The following HR variants were observed in gnomAD, a reference collection of about 807,000 sequenced individuals.
HR encodes the protein lysine-specific demethylase hairless.
Under a neutral mutation model 128.6 loss-of-function variants are expected in HR, and 83 were observed. That is an observed-to-expected ratio of 0.65 (90% CI 0.54 to 0.77). HR has a LOEUF of 0.77. Ranked by LOEUF, HR falls within the 30% of genes least tolerant of loss-of-function variation. HR has a pLI of 0.00. For missense variants in HR, 1,490 were observed against 1,574.6 expected, an observed-to-expected ratio of 0.95 and a Z score of 0.91; for synonymous variants, 681 against 658.2, an observed-to-expected ratio of 1.03 and a Z score of -0.53.
Position 22,128,661 on chromosome 8 carries a change from G to A in HR, c.510C>T (p.Gly170=), listed in dbSNP as rs766888949. The A allele has an allele frequency of 3.8e-6, 6 of 1,589,216 alleles. No individual in the cohort carries two copies. The highest frequency in any genetic ancestry group is 2.3e-5 in the East Asian group (1 of 44,156). The part of the protein sequence containing the change: ...PTCLPPYLVS[G]LPPEHPCDWP... ...AGTCACATGGATGCTCTGGGGGCAGGCCAGACACTAGGTAGGGTGGCAAGC... is the reference window on the plus strand; with the variant it reads ...AGTCACATGGATGCTCTGGGGGCAGACCAGACACTAGGTAGGGTGGCAAGC... The change falls in exon 2 of 19, where the codon GGC becomes GGT. Residue 170 remains glycine, a synonymous_variant. Transcript: ENST00000381418.
rs1162759892 is a variant in HR, at chr8:22,120,871, G to T, written c.2455C>A (p.Arg819=). ...CCCTTGCGCAGACCCGGGCCAGCTCGAAGCCCCGGCCCCAGGGCTTTCTCC... is the reference window on the plus strand; with the variant it reads ...CCCTTGCGCAGACCCGGGCCAGCTCTAAGCCCCGGCCCCAGGGCTTTCTCC... The part of the protein sequence containing the change: ...IQEKALGPGL[R]AGPGLRKGLG... The change falls in exon 11 of 19, where the codon CGA becomes AGA. Residue 819 remains arginine (R), a synonymous_variant. Transcript: ENST00000381418. 6.4e-7 allele frequency: 1 copy of T among 1,552,570 alleles called. No individual in the cohort carries two copies. The highest frequency in any genetic ancestry group is 1.2e-5 in the South Asian group (1 of 84,370).
rs142767236 is a variant in HR at position 22,114,880 on chromosome 8, C to G, written c.*820G>C. On this transcript the variant is annotated 3_prime_UTR_variant, in exon 19 of 19. Coordinates refer to ENST00000381418, the MANE Select transcript of HR (RefSeq NM_005144.5). ...ATCTTTGGGGGACAGCCCCCCACCC[C>G]ACCCAAAGTCTCCTCAGTGGGAGGC... 3,040 of 152,596 alleles carry G rather than the reference C, an allele frequency of 0.02. 76 individuals are homozygous for G. The highest frequency in any genetic ancestry group is 0.056 in the African/African-American group (2,309 of 41,580). The allele number at this position is 152,596 out of a possible 1,614,324, so 9.5% of individuals were successfully genotyped here. A position where few individuals can be genotyped will look rare whatever the true frequency, so the allele number is the denominator to read the frequency against.
At chr8:22,123,844 G>T in intron 5 of HR, 31 bp from the exon 6 acceptor site, 1 of 1,581,188 alleles carries the variant, frequency 6.3e-7, no homozygotes, top group Non-Finnish European at 8.6e-7. Context: ...AGGGTCAGAG[G>T]GTGAAGGCAA....
At position 22,115,659 on chromosome 8, in the gene HR, T is replaced by G; in HGVS notation, c.*41A>C. 6.3e-7 allele frequency: 1 copy of G among 1,583,086 alleles called. No homozygotes were observed. Among genetic ancestry groups the G allele is most frequent in the Non-Finnish European group, 8.7e-7 (1 of 1,151,982 alleles). ...AGTTGTGCCTGGGCTGAGCACCTGG[T>G]CTACCTGTCCCCACCCCGATCCCAG... On this transcript the variant is annotated 3_prime_UTR_variant, in exon 19 of 19. Transcript: ENST00000381418.
In HR at chr8:22,115,676, C is replaced by T. The variant is rs544361330; in HGVS notation, c.*24G>A. ...GCACCTGGTCTACCTGTCCCCACCC[C>T]GATCCCAGACACCTAGCATCCCTCT... On this transcript the variant is annotated 3_prime_UTR_variant, in exon 19 of 19. Transcript: ENST00000381418. The T allele has an allele frequency of 1.0e-4, 161 of 1,611,774 alleles. 1 individual carries two copies. Among genetic ancestry groups the T allele is most frequent in the Non-Finnish European group, 1.1e-4 (133 of 1,178,172 alleles).
rs755184620 is a variant in HR, at chr8:22,118,985, G to A, written c.3178C>T (p.Gln1060Ter). Residue 1060 changes from glutamine to a stop codon, truncating the protein, a stop_gained, in exon 16 of 19, where the codon CAG becomes TAG. Coordinates refer to ENST00000381418, the MANE Select transcript of HR (RefSeq NM_005144.5). LOFTEE classifies it high-confidence loss of function. ...AAGCGGCGGATGCGCTGGGCGTCCT[G>A]TGCCCGGAACACGTGCCACACAGTG... The part of the protein sequence containing the change: ...VSTVWHVFRA[Q>*]DAQRIRRFLQ... 17 of 1,612,536 alleles carry A rather than the reference G, an allele frequency of 1.1e-5. No homozygotes were observed. Among genetic ancestry groups the A allele is most frequent in the Non-Finnish European group, 9.3e-6 (11 of 1,180,008 alleles).
At chr8:22,123,606 T>C (rs1339148723) in intron 6 of HR, 43 bp downstream of exon 6, 6 of 1,166,688 alleles carry the variant, frequency 5.1e-6, no homozygotes, top group Non-Finnish European at 6.1e-6. Flanking sequence ...GCAGTCCCCC[T>C]GAGGGCTCCA....
At position 22,123,827 on chromosome 8, in the gene HR, A is replaced by G. The variant is rs1178926607; in HGVS notation, c.1751-14T>C. 16 of 1,592,592 alleles carry G rather than the reference A, an allele frequency of 1.0e-5. No individual in the cohort carries two copies. The highest frequency in any genetic ancestry group is 1.3e-5 in the Non-Finnish European group (15 of 1,172,956). ...CTGGCCCTTGGCCTGCTGACCACGGAGAGAACAGGGTCAGAGGGTGAAGGC... is the reference window on the plus strand; with the variant it reads ...CTGGCCCTTGGCCTGCTGACCACGGGGAGAACAGGGTCAGAGGGTGAAGGC... On this transcript the variant is annotated splice_polypyrimidine_tract_variant and intron_variant, in intron 5 of 18. Transcript: ENST00000381418.
At chr8:22,126,241 C>T (rs966998203) in intron 3 of HR, among the ~76,000 whole-genome samples, 2 of 150,956 alleles carry the variant, frequency 1.3e-5, no homozygotes, top group African/African-American at 5.0e-5. Context: ...GCAGAGGGCA[C>T]AGACAGGCCC....
At position 22,119,015 on chromosome 8, in the gene HR, C is replaced by T. The variant is rs1335702263; in HGVS notation, c.3148G>A (p.Val1050Ile). The T allele has an allele frequency of 1.9e-6, 3 of 1,613,182 alleles. No homozygotes were observed. Among genetic ancestry groups the T allele is most frequent in the African/African-American group, 1.3e-5 (1 of 75,056 alleles). The change falls in exon 16 of 19, where the codon GTC becomes ATC. Residue 1050 changes from valine (V) to isoleucine (I), a missense_variant. This residue lies in a region of HR where 423 missense variants were observed against 495.9 expected (regional missense o/e 0.85). Coordinates refer to ENST00000381418, the MANE Select transcript of HR (RefSeq NM_005144.5). ...GEGLWSPGSQ[V>I]STVWHVFRAQ... ...CGGAACACGTGCCACACAGTGCTGACCTGGCTGCCCGGAGACCAGAGCCCC... is the reference window on the plus strand; with the variant it reads ...CGGAACACGTGCCACACAGTGCTGATCTGGCTGCCCGGAGACCAGAGCCCC...
At chr8:22,123,545 G>C (rs917622647) in intron 6 of HR, 104 bp downstream of exon 6, 1 of 1,147,464 alleles carries the variant, frequency 8.7e-7, no homozygotes, top group African/African-American at 1.5e-5. Flanking sequence ...CTGTGCAGTG[G>C]GTAGGGGGCT....
intron 8 of HR, 41 bp from the exon 9 acceptor site, chr8:22,121,735 T>G (rs1267547015): frequency 6.3e-7 from 1 of 1,581,882 alleles, no homozygotes; most frequent in South Asian, 1.1e-5. Flanking sequence ...CAACCAGAGA[T>G]TTTAAAATGG....
chr8:22,120,057 G>C (rs947196090), intron 13 of HR, 47 bp downstream of exon 13: 55 of 1,565,926 alleles, frequency 3.5e-5, no homozygotes, highest in Non-Finnish European at 4.8e-5. Flanking sequence ...ACCAGGCGGG[G>C]CCTGCGGTGG....
At position 22,119,341 on chromosome 8, in the gene HR, G is replaced by GCT. The variant is rs1250230140; in HGVS notation, c.2978-60_2978-59dup. The GCT allele has an allele frequency of 1.9e-6, 3 of 1,608,152 alleles. No individual in the cohort carries two copies. In the African/African-American group the frequency reaches 4.0e-5, roughly 21 times the overall value. On this transcript the variant is annotated intron_variant, in intron 14 of 18. Transcript: ENST00000381418. The stretch of plus-strand genomic sequence containing the variant: ...TGGAATCAGAGAGCCAGGCGCGGTT[G>GCT]CTCACGCCTGTAATCCTGGCACTTT...
Position 22,129,090 on chromosome 8 carries a change from C to A in HR, c.81G>T (p.Glu27Asp). The change falls in exon 2 of 19, where the codon GAG (glutamate) becomes GAT (aspartate). Residue 27 changes from glutamate (E) to aspartate (D), a missense_variant. Glu to Asp is a conservative substitution (Grantham distance 45). Around this residue, in one of 3 missense-constraint regions of HR, gnomAD observed 1,060 missense variants for 1,060.9 expected, o/e 1.00. Transcript: ENST00000381418. ...GTCCATCTCGAGGCGGGCTGCCGGG[C>A]TCCTGTCTCACGATGCCGTTCTCTG... ...TAPENGIVRQEPGSPPRDGLH... is the reference protein window; with the variant it reads ...TAPENGIVRQDPGSPPRDGLH... 6.3e-7 allele frequency: 1 copy of A among 1,575,594 alleles called. No homozygotes were observed. Among genetic ancestry groups the A allele is most frequent in the South Asian group, 1.2e-5 (1 of 83,728 alleles).
In HR at chr8:22,120,024, G is replaced by A. The variant is rs537866559; in HGVS notation, c.2846+80C>T. ...AGGGACCACGGGGTGGGGGTTGGGG[G>A]CAGAGGAGGAGGGGAGGGCTGAACC... On this transcript the variant is annotated intron_variant, in intron 13 of 18. Coordinates refer to ENST00000381418, the MANE Select transcript of HR (RefSeq NM_005144.5). The A allele has an allele frequency of 1.8e-4, 286 of 1,565,580 alleles. 3 individuals are homozygous for A. The South Asian group carries it at 3.0e-3, about 17-fold the overall frequency.
At position 22,115,642 on chromosome 8, in the gene HR, C is replaced by T. The variant is rs1826566497; in HGVS notation, c.*58G>A. 6 of 1,507,198 alleles carry T rather than the reference C, an allele frequency of 4.0e-6. No homozygotes were observed. The highest frequency in any genetic ancestry group is 4.6e-6 in the Non-Finnish European group (5 of 1,083,314). 93.4% of individuals were successfully genotyped at this position (1,507,198 alleles called of 1,614,324 possible). A position where few individuals can be genotyped will look rare whatever the true frequency, so the allele number is the denominator to read the frequency against. On this transcript the variant is annotated 3_prime_UTR_variant, in exon 19 of 19. Transcript: ENST00000381418. ...GCGCCATCCCCTGCTGAAGTTGTGC[C>T]TGGGCTGAGCACCTGGTCTACCTGT...
chr8:22,120,187 C>G lies in HR; in HGVS notation c.2777-14G>C. 1 of 1,593,478 alleles carries G rather than the reference C, an allele frequency of 6.3e-7. No homozygotes were observed. The highest frequency in any genetic ancestry group is 1.1e-5 in the South Asian group (1 of 88,392). ...ACTTTGGGCGAACTACAGGAGGAGA[C>G]AGAACGGCCATTGGCCTCCTCAGCC... On this transcript the variant is annotated splice_polypyrimidine_tract_variant and intron_variant, in intron 12 of 18. Coordinates refer to ENST00000381418, the MANE Select transcript of HR (RefSeq NM_005144.5).
Position 22,115,754 on chromosome 8 carries a change from C to A in HR, c.3516G>T (p.Trp1172Cys). 6.2e-7 allele frequency: 1 copy of A among 1,613,968 alleles called. No homozygotes were observed. Among genetic ancestry groups the A allele is most frequent in the Non-Finnish European group, 8.5e-7 (1 of 1,179,968 alleles). The part of the protein sequence containing the change: ...DCHLLYAQMD[W>C]AVFQAVKVAV... Reference sequence around the variant, plus strand: ...CCACCTTCACTGCTTGGAACACAGCCCAGTCCATCTAGGAAAAAGAGAGAG... The same window carrying A: ...CCACCTTCACTGCTTGGAACACAGCACAGTCCATCTAGGAAAAAGAGAGAG... Residue 1172 changes from tryptophan to cysteine, a missense_variant, in exon 19 of 19, where the codon TGG becomes TGT. Coordinates refer to ENST00000381418, the MANE Select transcript of HR (RefSeq NM_005144.5).
Sources: allele counts gnomAD v4.1 joint callset (sites outside exome capture counted in the v4.1 genomes callset), GRCh38; gene constraint gnomAD v4.1.1; regional missense constraint gnomAD v4.1.1; transcripts MANE v1.5; gene names NCBI Gene and HGNC (gene_info 2026-07-23, HGNC 2026-07-21).